TRPC6: variants seen among roughly 807,000 people sequenced by gnomAD.
TRPC6 encodes transient receptor potential cation channel subfamily C member 6.
Under a neutral mutation model 90.7 loss-of-function variants are expected in TRPC6, and 55 were observed. The ratio of observed to expected loss-of-function variants is 0.61; its 90% confidence interval spans 0.49 to 0.76. The LOEUF is 0.76. Ranked by LOEUF, TRPC6 falls within the 30% of genes least tolerant of loss-of-function variation. TRPC6 has a pLI of 0.00. For synonymous variants in TRPC6, 393 were observed against 393.0 expected (o/e 1.00, Z 0.00); for missense variants, 989 against 1,122.7 (o/e 0.88, Z 1.70).
intron 1 of TRPC6, among the ~76,000 whole-genome samples, chr11:101,559,647 A>C (rs1192520593): frequency 2.2e-5 from 3 of 137,248 alleles, no homozygotes; most frequent in Non-Finnish European, 4.7e-5. Flanking sequence ...TTTTTTTTTT[A>C]TTATACTTTA....
intron 1 of TRPC6, among the ~76,000 whole-genome samples, chr11:101,545,982 A>T (rs1369203439): frequency 2.0e-5 from 3 of 150,288 alleles, no homozygotes; most frequent in Non-Finnish European, 4.4e-5. Flanking sequence ...AAAGAAGAAG[A>T]GAGAGTGAAG....
intron 5 of TRPC6, among the ~76,000 whole-genome samples, chr11:101,482,695 G>T (rs1339142899): frequency 6.6e-6 from 1 of 152,218 alleles, no homozygotes; most frequent in East Asian, 1.9e-4. Context: ...GGTGGGATGT[G>T]ATTGATACTA....
chr11:101,455,388 G>A lies in TRPC6; in HGVS notation c.2485-287C>T, dbSNP rs7928028. On this transcript the variant is annotated intron_variant, in intron 10 of 12. Coordinates refer to ENST00000344327, the MANE Select transcript of TRPC6 (RefSeq NM_004621.6). ...ATCACGCGTTAACCTTCTCACAGAT[G>A]AATGCATGGTAGAGAAAGAGTCAAA... 0.26 allele frequency: 85,329 copies of A among 328,648 alleles called. 14,356 individuals are homozygous for A. The highest frequency in any genetic ancestry group is 0.58 in the African/African-American group (26,927 of 46,354). 20.4% of individuals were successfully genotyped at this position (328,648 alleles called of 1,614,324 possible). A position where few individuals can be genotyped will look rare whatever the true frequency, so the allele number is the denominator to read the frequency against.
rs553183266 is a variant in TRPC6, at chr11:101,550,477, C to T, written c.170+32857G>A. ...TTAATTTTAATTTTATTTCTGCTAA[C>T]GCTATTATGCAAATATTTGTTCAAC... On this transcript the variant is annotated intron_variant, in intron 1 of 12. Transcript: ENST00000344327. Among the ~76,000 whole-genome samples the T allele has an allele frequency of 1.7e-3, 257 of 151,616 alleles. 3 individuals are homozygous for T. Among genetic ancestry groups the T allele is most frequent in the African/African-American group, 5.7e-3 (238 of 41,482 alleles).
At chr11:101,482,325 A>G (rs984062696) in intron 5 of TRPC6, among the ~76,000 whole-genome samples, 2 of 152,190 alleles carry the variant, frequency 1.3e-5, no homozygotes, top group Admixed American at 6.5e-5. Context: ...ATTATATTTA[A>G]TGGCAAGCTA....
chr11:101,550,450 T>C (rs145625109), intron 1 of TRPC6, among the ~76,000 whole-genome samples: 356 of 151,846 alleles, frequency 2.3e-3, no homozygotes, highest in African/African-American at 8.0e-3. Flanking sequence ...GATACTTTTT[T>C]CTTAATTTTA....
chr11:101,494,674 T>C (rs1859903454), intron 2 of TRPC6, among the ~76,000 whole-genome samples: 1 of 152,198 alleles, frequency 6.6e-6, no homozygotes, highest in Non-Finnish European at 1.5e-5. Context: ...AAGTATGATC[T>C]TTCAAATGTA....
rs745717503 is a variant in TRPC6, at chr11:101,453,019, T to C, written c.2732A>G (p.Glu911Gly). The C allele has an allele frequency of 1.1e-5, 17 of 1,613,838 alleles. No homozygotes were observed. The Admixed American group carries it at 2.8e-4, about 27-fold the overall frequency. ...EKSQNTEDLA[E>G]LIRELGEKLS... The stretch of plus-strand genomic sequence containing the variant: ...TTTCTCTCCAAGTTCTCTAATAAGT[T>C]CTGCTAGGTCTTCTGTATTCTGAGA... Residue 911 changes from glutamate (E) to glycine (G), a missense_variant, in exon 13 of 13, where the codon GAA (glutamate) becomes GGA (glycine). Coordinates refer to ENST00000344327, the MANE Select transcript of TRPC6 (RefSeq NM_004621.6).
At chr11:101,538,166 T>A (rs1257211469) in intron 1 of TRPC6, among the ~76,000 whole-genome samples, 1 of 152,142 alleles carries the variant, frequency 6.6e-6, no homozygotes, top group African/African-American at 2.4e-5. Context: ...TTGTGTGGAT[T>A]TTTGTTCTTT....
chr11:101,576,673 T>G (rs1565253927), intron 1 of TRPC6, among the ~76,000 whole-genome samples: 1 of 152,200 alleles, frequency 6.6e-6, no homozygotes, highest in Non-Finnish European at 1.5e-5. Context: ...TTTGGCATTT[T>G]TTATGAAAGA....
intron 1 of TRPC6, among the ~76,000 whole-genome samples, chr11:101,511,823 C>T (rs932158488): frequency 1.3e-5 from 2 of 151,996 alleles, no homozygotes; most frequent in Non-Finnish European, 2.9e-5. Flanking sequence ...GAAACCCTGT[C>T]TCTACTAAAA....
At chr11:101,495,966 T>A (rs1340875958) in intron 2 of TRPC6, among the ~76,000 whole-genome samples, 1 of 152,112 alleles carries the variant, frequency 6.6e-6, no homozygotes, top group African/African-American at 2.4e-5. Context: ...AGAGGTTTAA[T>A]TGGCTCATGG....
At chr11:101,495,691 AGCTAT>A (rs1185125321) in intron 2 of TRPC6, among the ~76,000 whole-genome samples, 2 of 150,908 alleles carry the variant, frequency 1.3e-5, no homozygotes, top group Non-Finnish European at 3.0e-5. Context: ...CCCATCACAA[AGCTAT>A]GCTATCATAT....
intron 1 of TRPC6, among the ~76,000 whole-genome samples, chr11:101,516,593 TAGA>T (rs1175836817): frequency 1.3e-5 from 2 of 152,300 alleles, no homozygotes; most frequent in Non-Finnish European, 2.9e-5. Flanking sequence ...ACAAACTTGG[TAGA>T]ATAAGGAAGG....
At position 101,546,095 on chromosome 11, in the gene TRPC6, C is replaced by T. The variant is rs1258446537; in HGVS notation, c.170+37239G>A. On this transcript the variant is annotated intron_variant, in intron 1 of 12. Transcript: ENST00000344327. ...TTTTTTTTTTTTTGAGACGGAGTCT[C>T]GCTCTGTCGCCCAGGCCGGACTGCG... Among the ~76,000 whole-genome samples, 8 of 41,140 alleles carry T rather than the reference C, an allele frequency of 1.9e-4. 1 individual carries two copies. The highest frequency in any genetic ancestry group is 3.4e-4 in the Non-Finnish European group (8 of 23,354). 27.0% of individuals were successfully genotyped at this position (41,140 alleles called of 152,430 possible).
In TRPC6 at chr11:101,483,176, A is replaced by G. The variant is rs1859593411; in HGVS notation, c.1294-11T>C. On this transcript the variant is annotated splice_polypyrimidine_tract_variant and intron_variant, in intron 4 of 12. Coordinates refer to ENST00000344327, the MANE Select transcript of TRPC6 (RefSeq NM_004621.6). ...CATTATCTTCCCCATCTGCCACAAC[A>G]CACACCAAAATAAAATCTTAACTTT... The G allele has an allele frequency of 6.2e-7, 1 of 1,613,726 alleles. No homozygotes were observed. Among genetic ancestry groups the G allele is most frequent in the South Asian group, 1.1e-5 (1 of 91,082 alleles).
At chr11:101,569,491 T>A (rs549549587) in intron 1 of TRPC6, among the ~76,000 whole-genome samples, 4 of 152,272 alleles carry the variant, frequency 2.6e-5, no homozygotes, top group African/African-American at 9.6e-5. Context: ...TATCCAGGAC[T>A]TGAACTCAGC....
At chr11:101,568,199 C>T (rs760124694) in intron 1 of TRPC6, among the ~76,000 whole-genome samples, 1 of 152,170 alleles carries the variant, frequency 6.6e-6, no homozygotes, top group Non-Finnish European at 1.5e-5. Context: ...CTGAAAAACA[C>T]AGCACGAGAA....
At chr11:101,531,551 C>A (rs1860912262) in intron 1 of TRPC6, among the ~76,000 whole-genome samples, 1 of 152,178 alleles carries the variant, frequency 6.6e-6, no homozygotes, top group Non-Finnish European at 1.5e-5. Flanking sequence ...GACTCACAAT[C>A]TTGATTCTGG....
Sources: gnomAD v4.1 joint callset for allele counts (sites outside exome capture counted in the v4.1 genomes callset) on GRCh38, gnomAD v4.1.1 for gene constraint, MANE v1.5 for transcripts, NCBI Gene and HGNC (gene_info 2026-07-23, HGNC 2026-07-21) for gene names.